The following SDK1 variants were observed in gnomAD, a reference collection of about 807,000 sequenced individuals.
The protein encoded by SDK1 is protein sidekick-1.
In SDK1, 157 loss-of-function variants were observed where a neutral mutation model predicts 245.5. The observed-to-expected ratio is 0.64, with a 90% CI of 0.56 to 0.73. The LOEUF (loss-of-function observed/expected upper bound fraction) is 0.73. Among genes scored for constraint, SDK1 ranks in the 30% least tolerant of loss-of-function variants. The pLI, the probability that SDK1 is intolerant of heterozygous loss-of-function variation, is 0.00. For synonymous variants in SDK1, 1,647 were observed against 1,278.5 expected (o/e 1.29, Z -6.15); for missense variants, 3,583 against 3,002.3 (o/e 1.19, Z -4.52).
intron 20 of SDK1, among the ~76,000 whole-genome samples, chr7:4,071,498 C>CTG (rs1780254469): frequency 6.6e-6 from 1 of 152,144 alleles, no homozygotes; most frequent in African/African-American, 2.4e-5. Context: ...ATCGCAAGTG[C>CTG]TGAGTGTGTA....
At chr7:3,767,939 A>C (rs997189433) in intron 4 of SDK1, among the ~76,000 whole-genome samples, 4 of 152,212 alleles carry the variant, frequency 2.6e-5, no homozygotes, top group African/African-American at 9.6e-5. Context: ...TACTATCTTA[A>C]GCCATTTACT....
intron 1 of SDK1, among the ~76,000 whole-genome samples, chr7:3,587,736 C>T (rs1780736951): frequency 6.6e-6 from 1 of 152,194 alleles, no homozygotes; most frequent in Non-Finnish European, 1.5e-5. Context: ...ATCTGGGCAC[C>T]CCGTGGCCCA....
chr7:3,517,983 T>C (rs761976274), intron 1 of SDK1, among the ~76,000 whole-genome samples: 6 of 152,172 alleles, frequency 3.9e-5, no homozygotes, highest in Non-Finnish European at 8.8e-5. Flanking sequence ...TCTCTCTCTT[T>C]AGTGGAGAAG....
At chr7:4,233,047 T>C (rs1259138525) in intron 40 of SDK1, 1 of 538,782 alleles carries the variant, frequency 1.9e-6, no homozygotes, top group East Asian at 2.9e-5. Context: ...AGCACGTTGT[T>C]CTACAATCAT....
chr7:3,805,402 C>T (rs771603594), intron 4 of SDK1, among the ~76,000 whole-genome samples: 5 of 152,142 alleles, frequency 3.3e-5, no homozygotes, highest in African/African-American at 1.2e-4. Flanking sequence ...TCTTGGGTAG[C>T]GGGAGCCTCT....
intron 5 of SDK1, among the ~76,000 whole-genome samples, chr7:3,854,383 A>T (rs7807003): frequency 6.6e-6 from 1 of 152,014 alleles, no homozygotes; most frequent in Non-Finnish European, 1.5e-5. Context: ...ATTAAATCAG[A>T]TAATGTAACT....
At chr7:3,814,957 C>T (rs1461180848) in intron 4 of SDK1, among the ~76,000 whole-genome samples, 81 of 150,608 alleles carry the variant, frequency 5.4e-4, no homozygotes, top group East Asian at 7.9e-4. Context: ...TTTTGTACAT[C>T]GATTTTGTAT....
intron 19 of SDK1, among the ~76,000 whole-genome samples, chr7:4,053,354 T>C (rs1778998879): frequency 7.3e-6 from 1 of 137,730 alleles, no homozygotes; most frequent in Non-Finnish European, 1.5e-5. Flanking sequence ...TCCTTACGCT[T>C]GCCTCTCTCC....
chr7:3,737,750 G>A (rs1360778560), intron 4 of SDK1, among the ~76,000 whole-genome samples: 2 of 152,192 alleles, frequency 1.3e-5, no homozygotes, highest in Non-Finnish European at 2.9e-5. Flanking sequence ...ACAGAAGGAG[G>A]CATCCTGGGA....
At chr7:4,149,591 C>A (rs1055249062) in intron 30 of SDK1, 128 bp downstream of exon 30, 5 of 560,516 alleles carry the variant, frequency 8.9e-6, no homozygotes, top group African/African-American at 2.0e-5. Context: ...GGCCCCCTTT[C>A]TTTTTGACAC....
chr7:4,063,375 AG>A (rs1779665964), intron 19 of SDK1, among the ~76,000 whole-genome samples: 1 of 152,198 alleles, frequency 6.6e-6, no homozygotes, highest in African/African-American at 2.4e-5. Context: ...AAACATATCT[AG>A]GAATTAATTT....
chr7:4,121,007 G>A (rs1300307747), intron 25 of SDK1, among the ~76,000 whole-genome samples: 1 of 150,640 alleles, frequency 6.6e-6, no homozygotes, highest in Admixed American at 6.6e-5. Flanking sequence ...AACATTTCCA[G>A]CTGTTGAAAA....
intron 44 of SDK1, among the ~76,000 whole-genome samples, chr7:4,264,217 G>A (rs1278381755): frequency 0.063 from 2,608 of 41,578 alleles, 102 homozygotes; most frequent in African/African-American, 0.11. Context: ...GGGGGAGGCC[G>A]CGTAGACCTC....
chr7:3,892,381 C>G (rs1781481303), intron 5 of SDK1, among the ~76,000 whole-genome samples: 1 of 152,224 alleles, frequency 6.6e-6, no homozygotes, highest in Non-Finnish European at 1.5e-5. Context: ...CATCTGGGCC[C>G]TGCTCTTCTC....
chr7:3,503,164 A>T (rs554652962), intron 1 of SDK1, among the ~76,000 whole-genome samples: 1 of 152,348 alleles, frequency 6.6e-6, no homozygotes, highest in South Asian at 2.1e-4. Context: ...ATCACAAAAT[A>T]TTTAAATTAT....
chr7:3,957,954 T>A, intron 7 of SDK1: 1 of 470,604 alleles, frequency 2.1e-6, no homozygotes. Flanking sequence ...AACATCACTT[T>A]GCCTCCTTCC....
At chr7:4,028,384 T>C (rs1280077179) in intron 17 of SDK1, among the ~76,000 whole-genome samples, 1 of 152,020 alleles carries the variant, frequency 6.6e-6, no homozygotes, top group African/African-American at 2.4e-5. Flanking sequence ...TAAGCAACAG[T>C]CCCCGTGAAC....
intron 4 of SDK1, among the ~76,000 whole-genome samples, chr7:3,735,796 A>G (rs1178240423): frequency 2.0e-5 from 3 of 152,180 alleles, no homozygotes; most frequent in African/African-American, 7.2e-5. Flanking sequence ...GACAGTGCAC[A>G]AGATCTCCAG....
chr7:4,107,592 A>G lies in SDK1; in HGVS notation c.3325-3071A>G, dbSNP rs566548417. Among the ~76,000 whole-genome samples the G allele has an allele frequency of 6.6e-5, 10 of 152,042 alleles. No individual in the cohort carries two copies. The East Asian group carries it at 1.5e-3, about 24-fold the overall frequency. ...TCACTAAGAGGAGCCCACCTAAGTC[A>G]CCGAGGACTCTGAAACCGCTAAACC... On this transcript the variant is annotated intron_variant, in intron 22 of 44. Transcript: ENST00000404826.
Sources: allele counts gnomAD v4.1 joint callset (sites outside exome capture counted in the v4.1 genomes callset), GRCh38; gene constraint gnomAD v4.1.1; transcripts MANE v1.5; gene names NCBI Gene and HGNC (gene_info 2026-07-23, HGNC 2026-07-21).